DNAI1: variants seen among roughly 807,000 people sequenced by gnomAD.
The protein encoded by DNAI1 is dynein axonemal intermediate chain 1, also known as dynein, axonemal, intermediate polypeptide 1.
DNAI1 carries 67 observed loss-of-function variants against 92.0 expected under a neutral mutation model. The ratio of observed to expected loss-of-function variants is 0.73; its 90% CI spans 0.60 to 0.89. The LOEUF is 0.89. Among genes scored for constraint, DNAI1 ranks in the 40% least tolerant of loss-of-function variants. The probability of loss-of-function intolerance (pLI) is 0.00; values close to 1 mark genes in which losing one functional copy is unlikely to be tolerated. For missense variants in DNAI1, 839 were observed against 866.6 expected, an observed-to-expected ratio of 0.97 and a Z score of 0.40; for synonymous variants, 323 against 319.6, an observed-to-expected ratio of 1.01 and a Z score of -0.11.
rs762835276 is a variant in DNAI1, at chr9:34,490,086, A to G, written c.463A>G (p.Thr155Ala). 8 of 1,614,004 alleles carry G rather than the reference A, an allele frequency of 5.0e-6. No individual in the cohort carries two copies. The African/African-American group carries it at 8.0e-5, about 16-fold the overall frequency. The stretch of plus-strand genomic sequence containing the variant: ...AGACGAAGAGCCCAAGGAGTTAGAA[A>G]CTGAGCCTGGGAGTCAAACAGATGT... ...EEDEEPKELE[T>A]EPGSQTDVPA... is the part of the protein sequence containing the mutation. Residue 155 changes from threonine (T) to alanine (A), a missense_variant, in exon 6 of 20, where the codon ACT (threonine) becomes GCT (alanine). Physicochemically the swap from Thr to Ala is moderately conservative, Grantham distance 58 (BLOSUM62 0). Coordinates refer to ENST00000242317, the MANE Select transcript of DNAI1 (RefSeq NM_012144.4).
chr9:34,461,397 C>T lies in DNAI1; in HGVS notation c.48+2344C>T, dbSNP rs1823949141. On this transcript the variant is annotated intron_variant, in intron 1 of 19. Transcript: ENST00000242317. The stretch of plus-strand genomic sequence containing the variant: ...CACACGTATAAACCACTACCACACT[C>T]AAGATATAGGATACTTTCTCTATCC... Among the ~76,000 whole-genome samples the T allele has an allele frequency of 3.3e-5, 5 of 152,362 alleles. No homozygotes were observed. The South Asian group carries it at 1.0e-3, about 32-fold the overall frequency.
At position 34,514,860 on chromosome 9, in the gene DNAI1, G is replaced by A; in HGVS notation, c.1818+121G>A. The A allele has an allele frequency of 4.5e-6, 5 of 1,110,126 alleles. No homozygotes were observed. In the Admixed American group the frequency reaches 9.5e-5, roughly 21 times the overall value. The allele number at this position is 1,110,126 out of a possible 1,614,324, so 68.8% of individuals were successfully genotyped here. ...TCAGGAAGGAGAAGGCGGGACATAA[G>A]GACTGTGTATTTTCCAGGGGCAAGC... On this transcript the variant is annotated intron_variant, in intron 18 of 19. Transcript: ENST00000242317.
chr9:34,518,059 T>A (rs1325160860), intron 19 of DNAI1, among the ~76,000 whole-genome samples: 1 of 152,188 alleles, frequency 6.6e-6, no homozygotes, highest in Non-Finnish European at 1.5e-5. Flanking sequence ...GCGATGACCT[T>A]AAAGTCTAGA....
intron 9 of DNAI1, among the ~76,000 whole-genome samples, chr9:34,494,929 T>C (rs544832170): frequency 6.6e-6 from 1 of 152,294 alleles, no homozygotes; most frequent in South Asian, 2.1e-4. Context: ...GGCAGTCACC[T>C]TCCCCATTGC....
intron 8 of DNAI1, among the ~76,000 whole-genome samples, chr9:34,491,972 C>T (rs1824609648): frequency 6.6e-6 from 1 of 152,200 alleles, no homozygotes; most frequent in Non-Finnish European, 1.5e-5. Flanking sequence ...CCTCCTCCCC[C>T]TTCAAGTCCT....
At chr9:34,486,444 T>C (rs1463942175) in intron 4 of DNAI1, among the ~76,000 whole-genome samples, 1 of 151,844 alleles carries the variant, frequency 6.6e-6, no homozygotes, top group Non-Finnish European at 1.5e-5. Flanking sequence ...ATTGCTTCTT[T>C]AAAAAAAATT....
At chr9:34,482,583 T>G (rs1350718567) in intron 1 of DNAI1, among the ~76,000 whole-genome samples, 1 of 152,086 alleles carries the variant, frequency 6.6e-6, no homozygotes, top group Non-Finnish European at 1.5e-5. Context: ...GAGTGTTGAT[T>G]GGTGCACTCA....
intron 10 of DNAI1, among the ~76,000 whole-genome samples, chr9:34,498,688 A>G (rs1824771128): frequency 6.6e-6 from 1 of 152,206 alleles, no homozygotes. Context: ...TATTTGGAGC[A>G]GCTGCCTTCC....
At chr9:34,498,074 G>A (rs944448624) in intron 10 of DNAI1, among the ~76,000 whole-genome samples, 12 of 152,192 alleles carry the variant, frequency 7.9e-5, no homozygotes, top group African/African-American at 2.9e-4. Context: ...GGATGTGATT[G>A]TGTAGAATAT....
chr9:34,490,596 G>A lies in DNAI1; in HGVS notation c.621+108G>A, dbSNP rs962145784. 1.6e-5 allele frequency: 24 copies of A among 1,461,248 alleles called. No homozygotes were observed. The Admixed American group carries it at 3.3e-4, about 20-fold the overall frequency. The allele number at this position is 1,461,248 out of a possible 1,614,324, so 90.5% of individuals were successfully genotyped here. ...AGACCTCAGCCTGGCAGGGGTGACA[G>A]GACAACAGATGCTACAGCTTATCTC... is the stretch of plus-strand genomic sequence containing the variant. On this transcript the variant is annotated intron_variant, in intron 7 of 19. Coordinates refer to ENST00000242317, the MANE Select transcript of DNAI1 (RefSeq NM_012144.4).
rs1274020651 is a variant in DNAI1 at position 34,497,308 on chromosome 9, G to GA, written c.901+115dup. Reference sequence around the variant, plus strand: ...GCTAGCTCCTATAGGTGCAAGCGGAGAAAAAATAATCCCTCTGTCCTCTGG... The same window carrying GA: ...GCTAGCTCCTATAGGTGCAAGCGGAGAAAAAAATAATCCCTCTGTCCTCTGG... On this transcript the variant is annotated intron_variant, in intron 10 of 19. Coordinates refer to ENST00000242317, the MANE Select transcript of DNAI1 (RefSeq NM_012144.4). 48 of 827,422 alleles carry GA rather than the reference G, an allele frequency of 5.8e-5. 3 individuals are homozygous for GA. The highest frequency in any genetic ancestry group is 5.5e-4 in the South Asian group (40 of 73,280). 51.3% of individuals were successfully genotyped at this position (827,422 alleles called of 1,614,324 possible). A position where few individuals can be genotyped will look rare whatever the true frequency, so the allele number is the denominator to read the frequency against.
chr9:34,468,486 G>A (rs556165633), intron 1 of DNAI1, among the ~76,000 whole-genome samples: 1 of 151,270 alleles, frequency 6.6e-6, no homozygotes, highest in East Asian at 1.9e-4. Context: ...ACCACGCCCG[G>A]CCAAGAAGGT....
intron 8 of DNAI1, among the ~76,000 whole-genome samples, chr9:34,492,509 T>G (rs1296485172): frequency 0.011 from 1,048 of 95,546 alleles, 87 homozygotes; most frequent in African/African-American, 0.035. Context: ...TATATATATA[T>G]ATATATATAT....
At chr9:34,514,608 T>G in intron 17 of DNAI1, 32 bp from the exon 18 acceptor site, 1 of 1,614,228 alleles carries the variant, frequency 6.2e-7, no homozygotes, top group East Asian at 2.2e-5. Context: ...GAGCCCTCTG[T>G]GCCATGGGCT....
intron 7 of DNAI1, 72 bp from the exon 8 acceptor site, chr9:34,491,405 GCCAAAATGCTTCTCTCAA>G: frequency 6.9e-7 from 1 of 1,455,450 alleles, no homozygotes; most frequent in South Asian, 1.2e-5. Context: ...ATCAGCCCCA[GCCAAAATGCTTCTCTCAA>G]AGATATACTG....
In DNAI1 at chr9:34,517,016, C is replaced by T. The variant is rs538827908; in HGVS notation, c.1819-269C>T. ...TTGGCCTCCCAAAGTGCTGGGATTA[C>T]AGGCGTCAGTGAGCCACCACGCCCA... On this transcript the variant is annotated intron_variant, in intron 18 of 19. Transcript: ENST00000242317. Among the ~76,000 whole-genome samples, 5 of 152,252 alleles carry T rather than the reference C, an allele frequency of 3.3e-5. 1 individual carries two copies. In the South Asian group the frequency reaches 1.0e-3, roughly 32 times the overall value.
chr9:34,480,223 T>C (rs550901773), intron 1 of DNAI1, among the ~76,000 whole-genome samples: 2 of 152,098 alleles, frequency 1.3e-5, no homozygotes, highest in Non-Finnish European at 2.9e-5. Flanking sequence ...GAAACACCTA[T>C]TTGTTCTGTA....
rs911624390 is a variant in DNAI1, at chr9:34,472,411, C to G, written c.49-11037C>G. ...CCGATACTTTCTGGCCTTCTGCAGC[C>G]TTATCTGGGAAGGGTCCTATATAAT... On this transcript the variant is annotated intron_variant, in intron 1 of 19. Transcript: ENST00000242317. Among the ~76,000 whole-genome samples the G allele has an allele frequency of 5.7e-4, 86 of 152,174 alleles. 1 individual carries two copies. The highest frequency in any genetic ancestry group is 1.9e-3 in the African/African-American group (78 of 41,438).
chr9:34,459,446 C>CTTT (rs201022927), intron 1 of DNAI1, among the ~76,000 whole-genome samples: 2 of 147,052 alleles, frequency 1.4e-5, no homozygotes, highest in African/African-American at 2.5e-5. Context: ...TTCTTTCTTT[C>CTTT]TTTCTTTTTT....
Sources: allele counts gnomAD v4.1 joint callset (sites outside exome capture counted in the v4.1 genomes callset), GRCh38; gene constraint gnomAD v4.1.1; transcripts MANE v1.5; gene names NCBI Gene and HGNC (gene_info 2026-07-23, HGNC 2026-07-21).